Variants in PRRG3 observed in about 807,000 individuals in gnomAD.
PRRG3 encodes the protein proline rich and Gla domain 3.
A neutral mutation model predicts 15.8 loss-of-function variants in PRRG3; 21 were observed. The observed-to-expected ratio is 1.33, with a 90% CI of 0.94 to 1.92. The LOEUF is 1.92. Ranked by LOEUF, PRRG3 falls within the 40% of genes most tolerant of loss-of-function variation. The pLI is 0.00. For missense variants in PRRG3, 251 were observed against 200.2 expected (o/e 1.25, Z -1.53); for synonymous variants, 125 against 84.1 (o/e 1.49, Z -2.66).
chrX:151,696,369 AT>A (rs2014760522), intron 1 of PRRG3, among the ~76,000 whole-genome samples: 1 of 110,422 alleles, frequency 9.1e-6, no homozygotes, highest in South Asian at 4.0e-4. Context: ...TGGCTACAGA[AT>A]TGCTAATGGA....
intron 3 of PRRG3, 78 bp downstream of exon 3, chrX:151,700,234 C>T (rs1185548502): frequency 1.7e-6 from 2 of 1,204,599 alleles, no homozygotes; most frequent in East Asian, 5.9e-5. Context: ...GTAATGCAGA[C>T]CAATCAGAAG....
upstream of PRRG3, among the ~76,000 whole-genome samples, chrX:151,694,624 G>C (rs1246271905): frequency 3.6e-5 from 4 of 112,375 alleles, no homozygotes; most frequent in Admixed American, 3.7e-4. Context: ...GGCGGAACGC[G>C]GCCTCGACTC....
chrX:151,700,160 T>A lies in PRRG3; in HGVS notation c.168+4T>A. ...GTTTGAGAACAAAGAGAAAACGGCA[T>A]GTACCACCCTGGGGCTGGTTCTGGG... On this transcript the variant is annotated splice_donor_region_variant and intron_variant, in intron 3 of 3. Coordinates refer to ENST00000674457, the MANE Select transcript of PRRG3 (RefSeq NM_001372163.1). 2 of 1,211,893 alleles carry A rather than the reference T, an allele frequency of 1.7e-6. No homozygotes were observed. The highest frequency in any genetic ancestry group is 2.2e-6 in the Non-Finnish European group (2 of 895,546).
Position 151,705,046 on chromosome X carries a change from A to G in PRRG3, c.*4013A>G. The G allele has an allele frequency of 5.9e-6, 1 of 169,358 alleles. No homozygotes were observed. The allele number at this position is 169,358 out of a possible 1,213,427, so 14.0% of individuals were successfully genotyped here. On this transcript the variant is annotated 3_prime_UTR_variant, in exon 4 of 4. Transcript: ENST00000674457. ...AAAATGAGTACCCTTTTCAAAGAAAAGGCTCAAGATATTAAGGATCCCTTC... is the reference window on the plus strand; with the variant it reads ...AAAATGAGTACCCTTTTCAAAGAAAGGGCTCAAGATATTAAGGATCCCTTC...
Position 151,700,052 on chromosome X carries a change from G to C in PRRG3, c.64G>C (p.Glu22Gln). 8.3e-7 allele frequency: 1 copy of C among 1,211,830 alleles called. No homozygotes were observed. The highest frequency in any genetic ancestry group is 1.1e-6 in the Non-Finnish European group (1 of 895,456). Residue 22 changes from glutamate to glutamine, a missense_variant, in exon 3 of 4, where the codon GAG (glutamate) becomes CAG (glutamine). Transcript: ENST00000674457. ...CCTGAAACGATTCCCTCGTGCCAAT[G>C]AGTTCCTGGAGGAGCTGCGCCAGGG... is the stretch of plus-strand genomic sequence containing the variant. ...SVLKRFPRAN[E>Q]FLEELRQGTI...
Position 151,701,315 on chromosome X carries a change from A to G in PRRG3, c.*282A>G. On this transcript the variant is annotated 3_prime_UTR_variant, in exon 4 of 4. Transcript: ENST00000674457. ...TCCAACATCCTGTCTTTCCATCAGGAACTGGCTTCTCTTATGCCAAAGGAA... is the reference window on the plus strand; with the variant it reads ...TCCAACATCCTGTCTTTCCATCAGGGACTGGCTTCTCTTATGCCAAAGGAA... 1 of 253,159 alleles carries G rather than the reference A, an allele frequency of 4.0e-6. No homozygotes were observed. The highest frequency in any genetic ancestry group is 7.1e-6 in the Non-Finnish European group (1 of 141,391). The allele number at this position is 253,159 out of a possible 1,213,427, so 20.9% of individuals were successfully genotyped here.
Position 151,700,831 on chromosome X carries a change from G to A in PRRG3, c.494G>A (p.Gly165Asp), listed in dbSNP as rs770997065. 5 of 1,193,044 alleles carry A rather than the reference G, an allele frequency of 4.2e-6. No homozygotes were observed. Among genetic ancestry groups the A allele is most frequent in the Admixed American group, 4.5e-5 (2 of 44,536 alleles). Residue 165 changes from glycine (G) to aspartate (D), a missense_variant, in exon 4 of 4, where the codon GGC becomes GAC. Physicochemically the swap from Gly to Asp is moderately conservative, Grantham distance 94 (BLOSUM62 -1). Transcript: ENST00000674457. ...GTGGTGCTGGGGCCCAGTCGGGGGG[G>A]CAGGACCACAGTCCGGCTAGAGAGC... ...PQVVLGPSRG[G>D]RTTVRLESTL...
At chrX:151,698,048 C>A (rs987334106) in intron 1 of PRRG3, among the ~76,000 whole-genome samples, 1 of 111,087 alleles carries the variant, frequency 9.0e-6, no homozygotes, top group Non-Finnish European at 1.9e-5. Context: ...TTCCAGGTAT[C>A]TTGCCTCTTT....
At position 151,699,978 on chromosome X, in the gene PRRG3, G is replaced by T. The variant is rs774884377; in HGVS notation, c.8-18G>T. On this transcript the variant is annotated intron_variant, in intron 2 of 3. Transcript: ENST00000674457. ...GGGCATCTCCCCATTCCAGGCCTCA[G>T]TAGGGCTCTCTCCTCAGTGTTTCTG... 2 of 1,192,288 alleles carry T rather than the reference G, an allele frequency of 1.7e-6. No individual in the cohort carries two copies. The highest frequency in any genetic ancestry group is 2.3e-6 in the Non-Finnish European group (2 of 883,858).
In PRRG3 at chrX:151,704,670, A is replaced by T. The variant is rs2014949474; in HGVS notation, c.*3637A>T. The T allele has an allele frequency of 1.8e-5, 2 of 111,665 alleles. No homozygotes were observed. The highest frequency in any genetic ancestry group is 6.6e-5 in the African/African-American group (2 of 30,533). The allele number at this position is 111,665 out of a possible 1,213,427, so 9.2% of individuals were successfully genotyped here. ...GTGGACACTCACAGTTGAGGCTGAG[A>T]TGGATATCTTGGCAGCAGAGCTGCT... On this transcript the variant is annotated 3_prime_UTR_variant, in exon 4 of 4. Coordinates refer to ENST00000674457, the MANE Select transcript of PRRG3 (RefSeq NM_001372163.1).
Position 151,700,549 on chromosome X carries a change from G to A in PRRG3, c.212G>A (p.Arg71Gln), listed in dbSNP as rs760486836. The A allele has an allele frequency of 3.2e-5, 39 of 1,205,015 alleles. No homozygotes were observed. In the East Asian group the frequency reaches 1.0e-3, roughly 31 times the overall value. ...TACCCAAATGCAGTCTACTCTGTCC[G>A]AGACCCCTCGCAGAGCTCAGATGCC... ...KGYPNAVYSV[R>Q]DPSQSSDAMY... is the part of the protein sequence containing the mutation. The change falls in exon 4 of 4, where the codon CGA (arginine) becomes CAA (glutamine). Residue 71 changes from arginine (R) to glutamine (Q), a missense_variant. Coordinates refer to ENST00000674457, the MANE Select transcript of PRRG3 (RefSeq NM_001372163.1).
Position 151,700,027 on chromosome X carries a change from C to T in PRRG3, c.39C>T (p.Val13=), listed in dbSNP as rs754872066. ...TGGAGGCCAAGGATGCCCATTCGGTCCTGAAACGATTCCCTCGTGCCAATG... is the reference window on the plus strand; with the variant it reads ...TGGAGGCCAAGGATGCCCATTCGGTTCTGAAACGATTCCCTCGTGCCAATG... ...VFLEAKDAHS[V]LKRFPRANEF... is the part of the protein sequence containing the mutation. Residue 13 remains valine, a synonymous_variant, in exon 3 of 4, where the codon GTC becomes GTT. Coordinates refer to ENST00000674457, the MANE Select transcript of PRRG3 (RefSeq NM_001372163.1). The T allele has an allele frequency of 8.3e-6, 10 of 1,209,826 alleles. No individual in the cohort carries two copies. In the African/African-American group the frequency reaches 1.6e-4, roughly 19 times the overall value.
chrX:151,701,256 AAAGTGCCCAACTCTTTGGGATGACCCCC>A lies in PRRG3; in HGVS notation c.*227_*254del, dbSNP rs2014880019. ...AAGCCCCCGGGAAGAGCCAAAGGCC[AAAGTGCCCAACTCTTTGGGATGACCCCC>A]AAGCCTCCAACATCCTGTCTTTCCA... On this transcript the variant is annotated 3_prime_UTR_variant, in exon 4 of 4. Coordinates refer to ENST00000674457, the MANE Select transcript of PRRG3 (RefSeq NM_001372163.1). 2 of 303,121 alleles carry A rather than the reference AAAGTGCCCAACTCTTTGGGATGACCCCC, an allele frequency of 6.6e-6. No homozygotes were observed. Among genetic ancestry groups the A allele is most frequent in the African/African-American group, 5.4e-5 (2 of 37,014 alleles). 25.0% of individuals were successfully genotyped at this position (303,121 alleles called of 1,213,427 possible).
intron 1 of PRRG3, among the ~76,000 whole-genome samples, chrX:151,697,005 C>T (rs1345668792): frequency 9.2e-6 from 1 of 108,930 alleles, no homozygotes; most frequent in African/African-American, 3.3e-5. Context: ...TTCTTTCTCT[C>T]TTTCTTTCTT....
At position 151,700,679 on chromosome X, in the gene PRRG3, C is replaced by T; in HGVS notation, c.342C>T (p.Ser114=). The change falls in exon 4 of 4, where the codon TCC becomes TCT. Residue 114 remains serine (S), a synonymous_variant. Coordinates refer to ENST00000674457, the MANE Select transcript of PRRG3 (RefSeq NM_001372163.1). ...AGAAAGCGACCCGTCACCACCCCTC[C>T]TATGCTCAGAACCGGTACCTAGCCA... ...QLQKATRHHP[S]YAQNRYLASR... 3.3e-6 allele frequency: 4 copies of T among 1,211,468 alleles called. No individual in the cohort carries two copies. Among genetic ancestry groups the T allele is most frequent in the Non-Finnish European group, 4.5e-6 (4 of 895,307 alleles).
chrX:151,696,354 G>A (rs1395571363), intron 1 of PRRG3, among the ~76,000 whole-genome samples: 1 of 110,935 alleles, frequency 9.0e-6, no homozygotes, highest in Non-Finnish European at 1.9e-5. Context: ...CAGCAGCAGT[G>A]AAGGTGGCTA....
chrX:151,698,518 T>A (rs1300871785), intron 1 of PRRG3: 1 of 255,758 alleles, frequency 3.9e-6, no homozygotes, highest in Non-Finnish European at 6.9e-6. Flanking sequence ...TTCTTATAGA[T>A]GCTCAGAACA....
intron 1 of PRRG3, among the ~76,000 whole-genome samples, chrX:151,696,256 G>C (rs765736929): frequency 2.9e-4 from 32 of 111,567 alleles, no homozygotes; most frequent in Admixed American, 2.8e-3. Flanking sequence ...TGTTGCCATA[G>C]TAACTGTCTA....
chrX:151,700,194 T>C (rs1445736526), intron 3 of PRRG3, 38 bp downstream of exon 3: 2 of 1,210,118 alleles, frequency 1.7e-6, no homozygotes, highest in African/African-American at 1.7e-5. Context: ...GGAGTAGGAG[T>C]AGCCTCAGGA....
Sources: gnomAD v4.1 joint callset for allele counts (sites outside exome capture counted in the v4.1 genomes callset) on GRCh38, gnomAD v4.1.1 for gene constraint, MANE v1.5 for transcripts, NCBI Gene and HGNC (gene_info 2026-07-23, HGNC 2026-07-21) for gene names.